The following PHTF1 variants were observed in gnomAD, a reference collection of about 807,000 sequenced individuals.
PHTF1 encodes putative homeodomain transcription factor 1, also known as protein PHTF1.
A neutral mutation model predicts 102.4 loss-of-function variants in PHTF1; 88 were observed. That is an observed-to-expected ratio of 0.86 (90% CI 0.72 to 1.03). The LOEUF (loss-of-function observed/expected upper bound fraction) is 1.03. PHTF1 is among the 50% of genes least tolerant of loss of function. The pLI is 0.00. For synonymous variants in PHTF1, 289 were observed against 305.2 expected, an observed-to-expected ratio of 0.95 and a Z score of 0.55; for missense variants, 814 against 909.5, an observed-to-expected ratio of 0.89 and a Z score of 1.35.
chr1:113,751,638 C>A lies in PHTF1; in HGVS notation c.102+6061G>T, dbSNP rs146740858. On this transcript the variant is annotated intron_variant, in intron 3 of 18. Coordinates refer to ENST00000369604, the MANE Select transcript of PHTF1 (RefSeq NM_001323043.2). ...ACACGTGGGTTTTTCCTACTTCTGGCTATTAAGAATAGTGCTGCTATGAAC... is the reference window on the plus strand; with the variant it reads ...ACACGTGGGTTTTTCCTACTTCTGGATATTAAGAATAGTGCTGCTATGAAC... 3.4e-3 allele frequency among the ~76,000 whole-genome samples: 515 copies of A among 152,248 alleles called. 2 individuals are homozygous for A. Among genetic ancestry groups the A allele is most frequent in the Admixed American group, 9.2e-3 (140 of 15,292 alleles).
At chr1:113,735,475 C>T (rs1655352880) in intron 5 of PHTF1, among the ~76,000 whole-genome samples, 1 of 143,948 alleles carries the variant, frequency 6.9e-6, no homozygotes, top group Non-Finnish European at 1.5e-5. Flanking sequence ...ACTGTACAGA[C>T]ATTAAAATGA....
chr1:113,751,600 C>T (rs1658089385), intron 3 of PHTF1, among the ~76,000 whole-genome samples: 1 of 152,150 alleles, frequency 6.6e-6, no homozygotes, highest in African/African-American at 2.4e-5. Context: ...CCAATTGATT[C>T]ACCAGTTGAT....
At chr1:113,717,105 G>A (rs1329025698) in intron 7 of PHTF1, among the ~76,000 whole-genome samples, 1 of 152,022 alleles carries the variant, frequency 6.6e-6, no homozygotes, top group Non-Finnish European at 1.5e-5. Context: ...TTTTCTCTTT[G>A]CTGGTTTATG....
chr1:113,742,546 G>A (rs1300806506), intron 3 of PHTF1, among the ~76,000 whole-genome samples: 2 of 152,084 alleles, frequency 1.3e-5, no homozygotes, highest in African/African-American at 2.4e-5. Flanking sequence ...ACTTGAGCCC[G>A]GGAGGCTGAG....
chr1:113,757,653 A>G lies in PHTF1; in HGVS notation c.102+46T>C, dbSNP rs2636009. 2.7e-3 allele frequency: 3,250 copies of G among 1,196,960 alleles called. 73 individuals carry two copies. The African/African-American group carries it at 0.044, about 16-fold the overall frequency. 74.1% of individuals were successfully genotyped at this position (1,196,960 alleles called of 1,614,324 possible). ...CCAGGTAAGTACAATTCCACTCTTCATATTAATGCAGTGAAACATAGGCGG... is the reference window on the plus strand; with the variant it reads ...CCAGGTAAGTACAATTCCACTCTTCGTATTAATGCAGTGAAACATAGGCGG... On this transcript the variant is annotated intron_variant, in intron 3 of 18. Transcript: ENST00000369604.
chr1:113,711,719 C>G, intron 10 of PHTF1, 27 bp downstream of exon 10: 2 of 1,546,066 alleles, frequency 1.3e-6, no homozygotes, highest in Non-Finnish European at 1.8e-6. Flanking sequence ...CAAAAATATA[C>G]CTTGATTTCT....
At chr1:113,758,634 TAA>T in intron 2 of PHTF1, 23 bp downstream of exon 2, 3 of 1,390,922 alleles carry the variant, frequency 2.2e-6, no homozygotes, top group Non-Finnish European at 2.9e-6. Context: ...GCTTTACAAA[TAA>T]AAAAAATATA....
intron 3 of PHTF1, among the ~76,000 whole-genome samples, chr1:113,747,606 T>C (rs1413210771): frequency 6.6e-6 from 1 of 152,222 alleles, no homozygotes; most frequent in Non-Finnish European, 1.5e-5. Flanking sequence ...TGGATTATAA[T>C]ACAGTACATG....
chr1:113,746,661 G>A (rs985894008), intron 3 of PHTF1, among the ~76,000 whole-genome samples: 2 of 152,112 alleles, frequency 1.3e-5, no homozygotes, highest in East Asian at 1.9e-4. Flanking sequence ...GCCAATATAC[G>A]TAAATACTCA....
At chr1:113,753,831 T>C (rs1658455458) in intron 3 of PHTF1, among the ~76,000 whole-genome samples, 1 of 151,956 alleles carries the variant, frequency 6.6e-6, no homozygotes, top group South Asian at 2.1e-4. Flanking sequence ...GATGCCATCA[T>C]GGCCAGCTAA....
At chr1:113,741,721 C>G (rs1402665839) in intron 3 of PHTF1, among the ~76,000 whole-genome samples, 1 of 152,084 alleles carries the variant, frequency 6.6e-6, no homozygotes, top group African/African-American at 2.4e-5. Context: ...GTCAGATAAT[C>G]TGCTTGAGCT....
chr1:113,704,106 G>C lies in PHTF1; in HGVS notation c.1865C>G (p.Ser622Trp). 6.2e-7 allele frequency: 1 copy of C among 1,612,858 alleles called. No individual in the cohort carries two copies. The highest frequency in any genetic ancestry group is 8.5e-7 in the Non-Finnish European group (1 of 1,178,980). Reference sequence around the variant, plus strand: ...CTGAGCACAACAAATGAAAGCAATCGAAAGTGTCAGTAGGAAAACCGAGGA... The same window carrying C: ...CTGAGCACAACAAATGAAAGCAATCCAAAGTGTCAGTAGGAAAACCGAGGA... The part of the protein sequence containing the change: ...VVSSVFLLTL[S>W]IAFICCAQVL... The change falls in exon 15 of 19, where the codon TCG becomes TGG. Residue 622 changes from serine (S) to tryptophan (W), a missense_variant. Transcript: ENST00000369604.
intron 6 of PHTF1, among the ~76,000 whole-genome samples, chr1:113,725,132 A>C (rs1207752074): frequency 6.6e-6 from 1 of 152,180 alleles, no homozygotes; most frequent in Non-Finnish European, 1.5e-5. Context: ...CGCTATTCAG[A>C]ATCTACTAAA....
Position 113,713,327 on chromosome 1 carries a change from C to T in PHTF1, c.735G>A (p.Trp245Ter). 3 of 1,613,626 alleles carry T rather than the reference C, an allele frequency of 1.9e-6. No individual in the cohort carries two copies. Among genetic ancestry groups the T allele is most frequent in the Middle Eastern group, 1.7e-4 (1 of 6,060 alleles). ...RRQCRPEIRM[W>*]QTREKAKFSD... ...AAAATTTTGCTTTCTCTCTTGTTTG[C>T]CACATTCTAATCTCTGGTCGACATT... The change falls in exon 8 of 19, where the codon TGG (tryptophan) becomes TGA (stop). Residue 245 changes from tryptophan to a stop codon, truncating the protein, a stop_gained. Transcript: ENST00000369604. LOFTEE classifies it high-confidence loss of function.
At chr1:113,715,648 C>CAAAAAAAAA (rs60517410) in intron 7 of PHTF1, among the ~76,000 whole-genome samples, 300 of 24,986 alleles carry the variant, frequency 0.012, 78 homozygotes, top group Non-Finnish European at 0.017. Flanking sequence ...AACCCTGTCT[C>CAAAAAAAAA]AAAAAAAAAA....
At chr1:113,712,369 C>CA (rs1250261417) in intron 8 of PHTF1, among the ~76,000 whole-genome samples, 3 of 152,142 alleles carry the variant, frequency 2.0e-5, no homozygotes, top group South Asian at 2.1e-4. Flanking sequence ...GCCTGAATCA[C>CA]AGCTCTTCTA....
chr1:113,731,882 G>T (rs12063602), intron 5 of PHTF1, among the ~76,000 whole-genome samples: 6 of 141,666 alleles, frequency 4.2e-5, no homozygotes, highest in Non-Finnish European at 9.1e-5. Context: ...GGGCAACAGA[G>T]CAAGACGCCG....
chr1:113,722,966 A>AT (rs71090727), intron 7 of PHTF1, among the ~76,000 whole-genome samples: 19 of 142,660 alleles, frequency 1.3e-4, no homozygotes, highest in African/African-American at 3.8e-4. Flanking sequence ...AAATAAATAA[A>AT]AATAAAAATT....
At chr1:113,749,314 G>A (rs1459814793) in intron 3 of PHTF1, among the ~76,000 whole-genome samples, 3 of 152,156 alleles carry the variant, frequency 2.0e-5, no homozygotes, top group African/African-American at 7.2e-5. Flanking sequence ...CAAGCTCAGT[G>A]TGCAATGCGT....
Sources: allele counts gnomAD v4.1 joint callset (sites outside exome capture counted in the v4.1 genomes callset), GRCh38; gene constraint gnomAD v4.1.1; transcripts MANE v1.5; gene names NCBI Gene and HGNC (gene_info 2026-07-23, HGNC 2026-07-21).